The following KAZN variants were observed in gnomAD, a reference collection of about 807,000 sequenced individuals.
KAZN encodes kazrin.
A neutral mutation model predicts 87.4 loss-of-function variants in KAZN; 40 were observed. That is an observed-to-expected ratio of 0.46 (90% CI 0.36 to 0.60). KAZN has a LOEUF of 0.60. Ranked by LOEUF, KAZN falls within the 20% of genes least tolerant of loss-of-function variation. The pLI is 0.00. For missense variants in KAZN, 898 were observed against 1,073.9 expected (o/e 0.84, Z 2.29); for synonymous variants, 466 against 458.3 (o/e 1.02, Z -0.22).
intron 1 of KAZN, among the ~76,000 whole-genome samples, chr1:14,661,974 CATCT>C (rs1214435211): frequency 2.0e-5 from 3 of 152,172 alleles, no homozygotes; most frequent in Non-Finnish European, 2.9e-5. Context: ...ATAGCATCAT[CATCT>C]GTTAGCCGTG....
intron 2 of KAZN, among the ~76,000 whole-genome samples, chr1:14,414,873 A>T (rs182808538): frequency 9.2e-5 from 14 of 152,224 alleles, no homozygotes; most frequent in African/African-American, 3.1e-4. Flanking sequence ...AAAAAATACA[A>T]AAGTTAGCCA....
chr1:14,132,393 T>C (rs1645010576), intron 1 of KAZN, among the ~76,000 whole-genome samples: 1 of 152,132 alleles, frequency 6.6e-6, no homozygotes, highest in Admixed American at 6.5e-5. Flanking sequence ...GTGCCCTGGC[T>C]CAGCAGAAAC....
At chr1:14,898,369 A>C (rs1414549321) in intron 1 of KAZN, among the ~76,000 whole-genome samples, 1 of 152,230 alleles carries the variant, frequency 6.6e-6, no homozygotes, top group Non-Finnish European at 1.5e-5. Flanking sequence ...TCAGAAGAGC[A>C]GAAATGTGGT....
At chr1:14,453,488 A>G (rs1395829347) in intron 2 of KAZN, among the ~76,000 whole-genome samples, 1 of 152,218 alleles carries the variant, frequency 6.6e-6, no homozygotes, top group Non-Finnish European at 1.5e-5. Context: ...CTACTCTAAG[A>G]CATCTGGGAT....
At chr1:14,449,340 C>G (rs1017223830) in intron 2 of KAZN, among the ~76,000 whole-genome samples, 2 of 152,192 alleles carry the variant, frequency 1.3e-5, no homozygotes, top group African/African-American at 2.4e-5. Flanking sequence ...TTATCCACCT[C>G]TACCACTTTG....
chr1:14,205,905 A>AAAAAAAAAAAAAC (rs1557559797), intron 2 of KAZN, among the ~76,000 whole-genome samples: 1 of 49,438 alleles, frequency 2.0e-5, no homozygotes, highest in Non-Finnish European at 3.5e-5. Flanking sequence ...AAAAAAAAAA[A>AAAAAAAAAAAAAC]AGCTACCTAA....
At chr1:14,999,646 G>A (rs1012606579) in intron 2 of KAZN, among the ~76,000 whole-genome samples, 5 of 152,240 alleles carry the variant, frequency 3.3e-5, no homozygotes, top group African/African-American at 1.2e-4. Context: ...GGGCTTTCAT[G>A]TTGTTGCTTT....
chr1:14,325,112 G>C (rs111697498), intron 2 of KAZN, among the ~76,000 whole-genome samples: 3,520 of 152,186 alleles, frequency 0.023, 145 homozygotes, highest in African/African-American at 0.08. Context: ...TTTTGGTGGC[G>C]CAATTTATGA....
chr1:14,823,683 TGGGA>T, intron 1 of KAZN, among the ~76,000 whole-genome samples: 1 of 151,382 alleles, frequency 6.6e-6, no homozygotes, highest in South Asian at 2.1e-4. Flanking sequence ...AGCTTGGGAG[TGGGA>T]GGGACAGATC....
chr1:14,927,603 CTA>C (rs935235642), intron 1 of KAZN, among the ~76,000 whole-genome samples: 1 of 152,152 alleles, frequency 6.6e-6, no homozygotes, highest in African/African-American at 2.4e-5. Flanking sequence ...GCTAAAGGAA[CTA>C]AGCCATTTTT....
intron 2 of KAZN, among the ~76,000 whole-genome samples, chr1:14,387,291 C>CAG (rs1662001212): frequency 6.6e-6 from 1 of 152,188 alleles, no homozygotes; most frequent in Non-Finnish European, 1.5e-5. Flanking sequence ...ATTTGATCAT[C>CAG]TGAAGCCTTC....
intron 2 of KAZN, among the ~76,000 whole-genome samples, chr1:14,325,511 G>T (rs551440971): frequency 1.5e-3 from 223 of 152,178 alleles, no homozygotes; most frequent in African/African-American, 5.1e-3. Flanking sequence ...ATACCAACAT[G>T]TGCATGGTAG....
intron 1 of KAZN, among the ~76,000 whole-genome samples, chr1:14,786,478 A>C (rs1315864751): frequency 6.6e-6 from 1 of 152,170 alleles, no homozygotes; most frequent in Non-Finnish European, 1.5e-5. Context: ...CATAGAGCTG[A>C]AACCTCACAC....
At chr1:14,624,499 G>T (rs1202809272) in intron 1 of KAZN, among the ~76,000 whole-genome samples, 2 of 151,524 alleles carry the variant, frequency 1.3e-5, no homozygotes, top group East Asian at 3.9e-4. Flanking sequence ...CTCAGCTTTC[G>T]TTTACTGTAT....
rs1459114593 is a variant in KAZN, at chr1:14,076,625, G to A, written c.92-103810G>A. Among the ~76,000 whole-genome samples the A allele has an allele frequency of 2.0e-5, 3 of 152,096 alleles. No individual in the cohort carries two copies. The East Asian group carries it at 5.8e-4, about 29-fold the overall frequency. ...ACAACCCAAAATGCTTCCAGATATG[G>A]CCAGATGTCCTCTGCAGGGCAAAAC... On this transcript the variant is annotated intron_variant, in intron 1 of 16. Coordinates refer to the KAZN transcript ENST00000636203.
intron 1 of KAZN, among the ~76,000 whole-genome samples, chr1:14,058,578 C>A (rs1642669632): frequency 6.6e-6 from 1 of 152,156 alleles, no homozygotes; most frequent in African/African-American, 2.4e-5. Flanking sequence ...AAGGGAGGTG[C>A]AGCCCTTGAT....
At chr1:14,547,669 G>T (rs189718410) in intron 2 of KAZN, among the ~76,000 whole-genome samples, 1 of 152,058 alleles carries the variant, frequency 6.6e-6, no homozygotes, top group South Asian at 2.1e-4. Flanking sequence ...TGCAAGCTCC[G>T]CATCCCGGGT....
chr1:15,090,482 C>T (rs1573285464), intron 8 of KAZN, among the ~76,000 whole-genome samples: 1 of 152,238 alleles, frequency 6.6e-6, no homozygotes, highest in African/African-American at 2.4e-5. Flanking sequence ...TCCGTGGGAG[C>T]CGGGCACCAG....
At chr1:14,353,369 G>A (rs1016708859) in intron 2 of KAZN, among the ~76,000 whole-genome samples, 8 of 151,506 alleles carry the variant, frequency 5.3e-5, no homozygotes, top group African/African-American at 1.7e-4. Flanking sequence ...GACTACAGGT[G>A]CCTGCCACCA....
Sources: allele counts gnomAD v4.1 joint callset (sites outside exome capture counted in the v4.1 genomes callset), GRCh38; gene constraint gnomAD v4.1.1; transcripts MANE v1.5; gene names NCBI Gene and HGNC (gene_info 2026-07-23, HGNC 2026-07-21).